NT5DC4: variants seen among roughly 807,000 people sequenced by gnomAD.
NT5DC4 encodes the protein 5'-nucleotidase domain-containing protein 4.
A neutral mutation model predicts 26.6 loss-of-function variants in NT5DC4; 44 were observed. The ratio of observed to expected loss-of-function variants is 1.65; its 90% CI spans 1.30 to 2.13. The LOEUF is 2.13. Ranked by LOEUF, NT5DC4 falls within the 30% of genes most tolerant of loss-of-function variation. The pLI, the probability that NT5DC4 is intolerant of heterozygous loss-of-function variation, is 0.00. For missense variants in NT5DC4, 399 were observed against 228.1 expected (o/e 1.75, Z -4.83); for synonymous variants, 157 against 86.7 (o/e 1.81, Z -4.51).
At chr2:112,732,164 G>A (rs537720498) in intron 16 of NT5DC4, among the ~76,000 whole-genome samples, 10 of 152,154 alleles carry the variant, frequency 6.6e-5, no homozygotes, top group Admixed American at 2.6e-4. Flanking sequence ...GCCTGCCTCG[G>A]CCTCTTAACG....
intron 11 of NT5DC4, 59 bp downstream of exon 11, chr2:112,724,965 A>G: frequency 1.4e-6 from 1 of 705,612 alleles, no homozygotes; most frequent in South Asian, 1.5e-5. Flanking sequence ...TGCCCCTTAG[A>G]CTTGACCTGC....
chr2:112,741,243 A>G (rs1679939989), downstream of NT5DC4, among the ~76,000 whole-genome samples: 1 of 152,050 alleles, frequency 6.6e-6, no homozygotes, highest in African/African-American at 2.4e-5. Flanking sequence ...AGACTGCTGT[A>G]CGTAGATTCT....
downstream of NT5DC4, among the ~76,000 whole-genome samples, chr2:112,739,217 C>A (rs547178334): frequency 2.6e-5 from 4 of 152,032 alleles, no homozygotes; most frequent in Non-Finnish European, 5.9e-5. Flanking sequence ...TCTAGGAGTT[C>A]GAGACCAGCC....
At chr2:112,742,662 G>T, downstream of NT5DC4, 2 of 1,221,990 alleles carry the variant, frequency 1.6e-6, no homozygotes, top group Non-Finnish European at 1.2e-6. Context: ...GATTTTTACT[G>T]GTACAGCTAG....
intron 10 of NT5DC4, 114 bp from the exon 11 acceptor site, chr2:112,724,666 AG>A (rs1345035281): frequency 4.6e-6 from 3 of 656,378 alleles, no homozygotes; most frequent in Admixed American, 2.2e-5. Flanking sequence ...GGGGCTGAAG[AG>A]GTCTCATCCA....
At chr2:112,724,501 G>T in intron 10 of NT5DC4, 1 of 572,846 alleles carries the variant, frequency 1.7e-6, no homozygotes, top group South Asian at 2.1e-5. Flanking sequence ...AGCCGTGCTG[G>T]TGCCACCTGT....
At chr2:112,739,940 C>T (rs1427289199), downstream of NT5DC4, among the ~76,000 whole-genome samples, 2 of 152,048 alleles carry the variant, frequency 1.3e-5, no homozygotes, top group Non-Finnish European at 2.9e-5. Flanking sequence ...AGGCATGAGC[C>T]ACCATGTGCC....
upstream of NT5DC4, among the ~76,000 whole-genome samples, chr2:112,719,983 TTTCTTTTTCTTTTC>T (rs1676736734): frequency 7.7e-6 from 1 of 130,674 alleles, no homozygotes; most frequent in South Asian, 2.3e-4. Context: ...TCTTTCTTTC[TTTCTTTTTCTTTTC>T]TTTTCTTTTC....
chr2:112,736,481 A>G (rs1679189995), intron 16 of NT5DC4: 2 of 152,232 alleles, frequency 1.3e-5, no homozygotes, highest in Admixed American at 6.5e-5. Flanking sequence ...TTGTGATAAT[A>G]GCAGCTAAAA....
At chr2:112,730,726 C>CA (rs1678387509) in intron 16 of NT5DC4, among the ~76,000 whole-genome samples, 1 of 152,186 alleles carries the variant, frequency 6.6e-6, no homozygotes, top group South Asian at 2.1e-4. Flanking sequence ...GTACCAGGCA[C>CA]AGTGTTTGTT....
chr2:112,724,728 C>A, intron 10 of NT5DC4, 53 bp from the exon 11 acceptor site: 1 of 708,350 alleles, frequency 1.4e-6, no homozygotes. Context: ...CTGGCTGTGG[C>A]AAGGTCAGAT....
chr2:112,731,796 C>G (rs562507391), intron 16 of NT5DC4: 2 of 152,102 alleles, frequency 1.3e-5, no homozygotes, highest in East Asian at 3.9e-4. Context: ...CAAAGTAAAC[C>G]CTTGAAGGAA....
intron 16 of NT5DC4, chr2:112,737,934 A>G (rs1028995051): frequency 6.6e-6 from 1 of 152,116 alleles, no homozygotes; most frequent in Non-Finnish European, 1.5e-5. Context: ...TAAAATTTAA[A>G]ATGTGTTGAC....
chr2:112,720,012 C>CCCTTCCTTCCTTCCTT (rs770903380), upstream of NT5DC4, among the ~76,000 whole-genome samples: 75 of 97,672 alleles, frequency 7.7e-4, no homozygotes, highest in Middle Eastern at 6.6e-3. Flanking sequence ...CTTTTCTTTT[C>CCCTTCCTTCCTTCCTT]CCTTCCTTCC....
At chr2:112,733,729 G>C (rs17649681) in intron 16 of NT5DC4, among the ~76,000 whole-genome samples, 61,510 of 152,096 alleles carry the variant, frequency 0.4, 14,835 homozygotes, top group East Asian at 0.69. Context: ...TTTGGGACTA[G>C]TGACAGCAGC....
downstream of NT5DC4, chr2:112,740,785 G>T: frequency 1.3e-6 from 2 of 1,548,642 alleles, no homozygotes; most frequent in Non-Finnish European, 1.8e-6. Flanking sequence ...AATTAAGTCT[G>T]TGAACACAAA....
At chr2:112,721,343 C>G (rs1676841912) in intron 1 of NT5DC4, 190 bp downstream of exon 1, 7 of 653,178 alleles carry the variant, frequency 1.1e-5, no homozygotes, top group East Asian at 5.4e-5. Context: ...CACACACACT[C>G]CGGCGGGAGG....
intron 13 of NT5DC4, among the ~76,000 whole-genome samples, 176 bp from the exon 14 acceptor site, chr2:112,726,062 A>G (rs1264508456): frequency 6.6e-6 from 1 of 152,114 alleles, no homozygotes; most frequent in Non-Finnish European, 1.5e-5. Context: ...TACGGGGCCT[A>G]TGCTGTCCCT....
chr2:112,729,507 C>G, intron 15 of NT5DC4, 120 bp from the exon 16 acceptor site: 1 of 661,774 alleles, frequency 1.5e-6, no homozygotes, highest in Middle Eastern at 2.4e-4. Context: ...TCCTCTGCAG[C>G]AACATCGTTG....
Sources: gnomAD v4.1 joint callset for allele counts (sites outside exome capture counted in the v4.1 genomes callset) on GRCh38, gnomAD v4.1.1 for gene constraint, MANE v1.5 for transcripts, NCBI Gene and HGNC (gene_info 2026-07-23, HGNC 2026-07-21) for gene names.